The following NEGR1 variants were observed in gnomAD, a reference collection of about 807,000 sequenced individuals.
NEGR1 encodes IgLON family member 4.
Under a neutral mutation model 40.9 loss-of-function variants are expected in NEGR1, and 10 were observed. The ratio of observed to expected loss-of-function variants is 0.24; its 90% confidence interval spans 0.15 to 0.42. The LOEUF (loss-of-function observed/expected upper bound fraction) is 0.42, where lower values mean the gene tolerates loss of function less well. NEGR1 is among the 10% of genes least tolerant of loss of function. The probability of loss-of-function intolerance (pLI) is 1.00; values close to 1 mark genes in which losing one functional copy is unlikely to be tolerated. For missense variants in NEGR1, 352 were observed against 438.9 expected (o/e 0.80, Z 1.77); for synonymous variants, 185 against 166.8 (o/e 1.11, Z -0.84).
At chr1:72,050,534 T>C (rs1206404734) in intron 1 of NEGR1, among the ~76,000 whole-genome samples, 1 of 151,590 alleles carries the variant, frequency 6.6e-6, no homozygotes, top group Non-Finnish European at 1.5e-5. Context: ...TTCTAACTAA[T>C]ATGCAAAAGG....
intron 4 of NEGR1, among the ~76,000 whole-genome samples, chr1:71,640,521 G>A (rs1651314648): frequency 6.6e-6 from 1 of 152,022 alleles, no homozygotes; most frequent in Non-Finnish European, 1.5e-5. Context: ...GGGATGGAAC[G>A]TGATAAGCAG....
At chr1:71,670,613 G>T (rs1008782087) in intron 4 of NEGR1, among the ~76,000 whole-genome samples, 1 of 151,764 alleles carries the variant, frequency 6.6e-6, no homozygotes. Context: ...CACAATTTCA[G>T]CTCACTGCAA....
chr1:71,862,030 T>C (rs766437746), intron 2 of NEGR1, among the ~76,000 whole-genome samples: 4 of 152,242 alleles, frequency 2.6e-5, no homozygotes, highest in Non-Finnish European at 5.9e-5. Context: ...TATTTCTTAA[T>C]GTGTTAGAGA....
At chr1:71,786,887 T>C (rs1254137403) in intron 2 of NEGR1, among the ~76,000 whole-genome samples, 1 of 152,218 alleles carries the variant, frequency 6.6e-6, no homozygotes, top group Admixed American at 6.5e-5. Flanking sequence ...AAAATATTTG[T>C]TTCCGGTACT....
At chr1:71,661,480 T>C (rs894468238) in intron 4 of NEGR1, among the ~76,000 whole-genome samples, 1 of 152,178 alleles carries the variant, frequency 6.6e-6, no homozygotes, top group African/African-American at 2.4e-5. Flanking sequence ...TAAACTCTAG[T>C]AGAGATGTTT....
chr1:72,077,079 G>C (rs888813480), intron 1 of NEGR1, among the ~76,000 whole-genome samples: 7 of 151,660 alleles, frequency 4.6e-5, no homozygotes, highest in African/African-American at 1.7e-4. Context: ...ATTTTTAGTA[G>C]AGAAAAGGTT....
At chr1:71,921,911 A>T (rs2101883760) in intron 2 of NEGR1, among the ~76,000 whole-genome samples, 1 of 151,978 alleles carries the variant, frequency 6.6e-6, no homozygotes, top group African/African-American at 2.4e-5. Context: ...AGTGTCCCTA[A>T]CCCTCATGTT....
At chr1:72,250,986 G>A (rs1456602130) in intron 1 of NEGR1, among the ~76,000 whole-genome samples, 1 of 152,152 alleles carries the variant, frequency 6.6e-6, no homozygotes, top group African/African-American at 2.4e-5. Context: ...AAACTGAAGG[G>A]ACTGAAAAAT....
At chr1:72,271,028 C>G (rs1462660138) in intron 1 of NEGR1, among the ~76,000 whole-genome samples, 7 of 151,816 alleles carry the variant, frequency 4.6e-5, no homozygotes, top group Non-Finnish European at 1.0e-4. Context: ...CCGTGTACTT[C>G]TGTTGTGGAG....
intron 1 of NEGR1, among the ~76,000 whole-genome samples, chr1:71,955,461 C>T (rs1241098945): frequency 1.3e-5 from 2 of 152,014 alleles, no homozygotes; most frequent in Admixed American, 6.6e-5. Flanking sequence ...CTGCAAACTC[C>T]CCGAAGGCAA....
rs868411932 is a variant in NEGR1 at position 71,672,492 on chromosome 1, T to C, written c.667+25516A>G. 2.0e-5 allele frequency among the ~76,000 whole-genome samples: 3 copies of C among 152,198 alleles called. 1 individual carries two copies. Among genetic ancestry groups the C allele is most frequent in the African/African-American group, 7.2e-5 (3 of 41,470 alleles). Reference sequence around the variant, plus strand: ...ATATCCAGATCCTGGCAGAGTGATATATTATAAATCCTTAATAAATATTTG... The same window carrying C: ...ATATCCAGATCCTGGCAGAGTGATACATTATAAATCCTTAATAAATATTTG... On this transcript the variant is annotated intron_variant, in intron 4 of 6. Coordinates refer to ENST00000357731, the MANE Select transcript of NEGR1 (RefSeq NM_173808.3).
intron 3 of NEGR1, among the ~76,000 whole-genome samples, chr1:71,755,486 C>T (rs1295832233): frequency 2.6e-5 from 4 of 152,200 alleles, no homozygotes; most frequent in African/African-American, 9.7e-5. Flanking sequence ...ACTAAACTCT[C>T]ACCATGGCCT....
chr1:71,883,710 G>T (rs1660645477), intron 2 of NEGR1, among the ~76,000 whole-genome samples: 1 of 148,892 alleles, frequency 6.7e-6, no homozygotes, highest in African/African-American at 2.5e-5. Flanking sequence ...TTTCTCCTAA[G>T]GCTATCCCTC....
chr1:71,841,956 T>G (rs1659256284), intron 2 of NEGR1, among the ~76,000 whole-genome samples: 1 of 152,148 alleles, frequency 6.6e-6, no homozygotes, highest in Non-Finnish European at 1.5e-5. Flanking sequence ...GTAAGTATCT[T>G]CATTTTTGGA....
intron 2 of NEGR1, among the ~76,000 whole-genome samples, chr1:71,854,219 C>A (rs1659693902): frequency 6.6e-6 from 1 of 152,030 alleles, no homozygotes; most frequent in African/African-American, 2.4e-5. Context: ...TTACATACTT[C>A]TATTTCTACA....
At chr1:71,724,139 T>A (rs1654598443) in intron 3 of NEGR1, among the ~76,000 whole-genome samples, 1 of 152,162 alleles carries the variant, frequency 6.6e-6, no homozygotes, top group Non-Finnish European at 1.5e-5. Flanking sequence ...TCCCACAGCT[T>A]ACTGATGCTG....
intron 1 of NEGR1, among the ~76,000 whole-genome samples, chr1:71,951,093 G>A (rs1311593923): frequency 1.3e-5 from 2 of 151,784 alleles, no homozygotes; most frequent in African/African-American, 4.8e-5. Flanking sequence ...AAGATTTTAA[G>A]GACAGCTAAT....
At chr1:71,540,359 A>G (rs1043867082) in intron 6 of NEGR1, among the ~76,000 whole-genome samples, 2 of 151,808 alleles carry the variant, frequency 1.3e-5, no homozygotes, top group Non-Finnish European at 2.9e-5. Context: ...CCATGCAAAG[A>G]AAGGCAGGGC....
intron 2 of NEGR1, among the ~76,000 whole-genome samples, chr1:71,861,712 AG>A (rs778858665): frequency 4.6e-5 from 7 of 152,118 alleles, no homozygotes; most frequent in Non-Finnish European, 8.8e-5. Context: ...GGATTATTAC[AG>A]GGGAGACATG....
Sources: allele counts gnomAD v4.1 joint callset (sites outside exome capture counted in the v4.1 genomes callset), GRCh38; gene constraint gnomAD v4.1.1; transcripts MANE v1.5; gene names NCBI Gene and HGNC (gene_info 2026-07-23, HGNC 2026-07-21).